The following BCOR variants were observed in gnomAD, a reference collection of about 807,000 sequenced individuals.
The protein encoded by BCOR is BCL6 corepressor, also known as BCL-6 corepressor.
In BCOR, 10 loss-of-function variants were observed where a neutral mutation model predicts 86.7. That is an observed-to-expected ratio of 0.12 (90% CI 0.07 to 0.20). The LOEUF is 0.20. Ranked by LOEUF, BCOR falls within the 10% of genes least tolerant of loss-of-function variation. The pLI is 1.00. For missense variants in BCOR, 1,259 were observed against 1,452.1 expected (o/e 0.87, Z 2.16); for synonymous variants, 611 against 609.0 (o/e 1.00, Z -0.05).
At chrX:40,126,533 AAAAAG>A (rs1199340209) in intron 1 of BCOR, among the ~76,000 whole-genome samples, 6 of 109,525 alleles carry the variant, frequency 5.5e-5, no homozygotes, top group Admixed American at 1.9e-4. Flanking sequence ...AAAAAAAAAA[AAAAAG>A]AAAAGAAAAG....
intron 1 of BCOR, among the ~76,000 whole-genome samples, chrX:40,134,888 G>C (rs1031057324): frequency 9.0e-6 from 1 of 111,703 alleles, no homozygotes; most frequent in Non-Finnish European, 1.9e-5. Flanking sequence ...TCTGGGCAAC[G>C]GTGATGAGAT....
Position 40,095,371 on chromosome X carries a change from T to C in BCOR, c.-41+1844A>G, listed in dbSNP as rs745497241. ...AACCGAACCCAACACTTCGTAAGGATTGATTTCGGCCCGCGGTGTCCGTTT... is the reference window on the plus strand; with the variant it reads ...AACCGAACCCAACACTTCGTAAGGACTGATTTCGGCCCGCGGTGTCCGTTT... On this transcript the variant is annotated intron_variant, in intron 1 of 14. Transcript: ENST00000378444. 5.4e-5 allele frequency among the ~76,000 whole-genome samples: 6 copies of C among 111,365 alleles called. No individual in the cohort carries two copies. In the East Asian group the frequency reaches 1.1e-3, roughly 21 times the overall value.
chrX:40,087,352 G>A (rs1464555535), intron 1 of BCOR, among the ~76,000 whole-genome samples: 1 of 113,010 alleles, frequency 8.8e-6, no homozygotes, highest in Admixed American at 9.3e-5. Flanking sequence ...ACGCCTAATC[G>A]GTCCTTAAAT....
In BCOR at chrX:40,063,066, G is replaced by A; in HGVS notation, c.3853C>T (p.Pro1285Ser). The A allele has an allele frequency of 2.0e-6, 2 of 977,034 alleles. 1 individual carries two copies. Among genetic ancestry groups the A allele is most frequent in the Admixed American group, 5.9e-5 (2 of 33,658 alleles). 80.5% of individuals were successfully genotyped at this position (977,034 alleles called of 1,213,427 possible). A position where few individuals can be genotyped will look rare whatever the true frequency, so the allele number is the denominator to read the frequency against. ...ATGGGCGGAGAGCCGGAGAACACAGGCAAGCCTAAATACGGAGGGGGTGAC... is the reference window on the plus strand; with the variant it reads ...ATGGGCGGAGAGCCGGAGAACACAGACAAGCCTAAATACGGAGGGGGTGAC... The part of the protein sequence containing the change: ...LKPSDNEQGL[P>S]VFSGSPPMKS... Residue 1285 changes from proline to serine, a missense_variant, in exon 9 of 15, where the codon CCT becomes TCT. Around this residue, in one of 7 missense-constraint regions of BCOR, gnomAD observed 305 missense variants for 286.1 expected, o/e 1.07. Coordinates refer to ENST00000378444, the MANE Select transcript of BCOR (RefSeq NM_001123385.2).
chrX:40,105,292 G>A (rs1470781000), intron 1 of BCOR, among the ~76,000 whole-genome samples: 1 of 111,176 alleles, frequency 9.0e-6, no homozygotes, highest in Non-Finnish European at 1.9e-5. Flanking sequence ...TCCGAGAGCC[G>A]CGCGGCGGCA....
At chrX:40,127,290 G>A (rs1019731861) in intron 1 of BCOR, among the ~76,000 whole-genome samples, 3 of 112,000 alleles carry the variant, frequency 2.7e-5, no homozygotes, top group Non-Finnish European at 5.6e-5. Context: ...TGAGGCCACA[G>A]GGAGAAGAGT....
At chrX:40,087,139 G>T (rs1003725203) in intron 1 of BCOR, among the ~76,000 whole-genome samples, 1 of 113,299 alleles carries the variant, frequency 8.8e-6, no homozygotes, top group Non-Finnish European at 1.9e-5. Flanking sequence ...GGCCGGGACA[G>T]GGAGGTCTGC....
chrX:40,098,545 C>CAA (rs2147766491), upstream of BCOR, among the ~76,000 whole-genome samples: 1 of 111,192 alleles, frequency 9.0e-6, no homozygotes, highest in South Asian at 3.9e-4. Flanking sequence ...TGGAGGACCG[C>CAA]AATTACCATA....
chrX:40,053,758 T>C (rs1569139581), intron 14 of BCOR, 128 bp downstream of exon 14: 1 of 736,082 alleles, frequency 1.4e-6, no homozygotes, highest in East Asian at 3.4e-5. Flanking sequence ...TACTGCATTG[T>C]GTGAGGTTCG....
upstream of BCOR, among the ~76,000 whole-genome samples, chrX:40,099,776 ATC>A (rs1379757402): frequency 1.8e-5 from 2 of 112,231 alleles, no homozygotes; most frequent in Non-Finnish European, 3.8e-5. Context: ...GAAGTGAAAC[ATC>A]TCTACCGTTT....
chrX:40,071,458 TAAAAC>T (rs1367945007), intron 5 of BCOR, among the ~76,000 whole-genome samples, 174 bp downstream of exon 5: 3 of 111,250 alleles, frequency 2.7e-5, no homozygotes, highest in African/African-American at 9.8e-5. Flanking sequence ...TGAAGGTAAA[TAAAAC>T]AAAACGAAAA....
intron 10 of BCOR, among the ~76,000 whole-genome samples, chrX:40,058,889 T>G (rs1379198915): frequency 9.0e-6 from 1 of 111,350 alleles, no homozygotes; most frequent in Non-Finnish European, 1.9e-5. Context: ...CAGACTCGAG[T>G]GGACGGCTGC....
At chrX:40,110,644 CTTTT>C (rs1569182561) in intron 1 of BCOR, among the ~76,000 whole-genome samples, 1 of 43,234 alleles carries the variant, frequency 2.3e-5, no homozygotes, top group Non-Finnish European at 5.2e-5. Flanking sequence ...CTTTTCTTTT[CTTTT>C]TTTTCTTTTT....
intron 1 of BCOR, among the ~76,000 whole-genome samples, chrX:40,135,649 GA>G (rs1367843430): frequency 1.8e-5 from 2 of 111,090 alleles, no homozygotes; most frequent in African/African-American, 6.6e-5. Context: ...CTCGGCCTCC[GA>G]AAGTACTGGG....
chrX:40,122,924 C>T (rs912062118), intron 1 of BCOR, among the ~76,000 whole-genome samples: 8 of 111,680 alleles, frequency 7.2e-5, no homozygotes, highest in African/African-American at 2.6e-4. Context: ...CACCACTGCC[C>T]CGGGCCTGCC....
At chrX:40,114,934 G>A (rs1324435400) in intron 1 of BCOR, among the ~76,000 whole-genome samples, 4 of 95,047 alleles carry the variant, frequency 4.2e-5, no homozygotes, top group African/African-American at 1.2e-4. Flanking sequence ...CTCACTGCAC[G>A]CTCCACCTCC....
Position 40,063,747 on chromosome X carries a change from T to G in BCOR, c.3708A>C (p.Glu1236Asp). The stretch of plus-strand genomic sequence containing the variant: ...CCTCAGGCTGAGTGGCCTGGGTCAC[T>G]TCCTTCCTGCTTTGCCGGCCAGGTT... The part of the protein sequence containing the change: ...DGKPGRQSRK[E>D]VTQATQPEAI... The change falls in exon 8 of 15, where the codon GAA becomes GAC. Residue 1236 changes from glutamate (E) to aspartate (D), a missense_variant. Glu to Asp is a conservative substitution (Grantham distance 45). Transcript: ENST00000378444. The G allele has an allele frequency of 8.3e-7, 1 of 1,212,072 alleles. No individual in the cohort carries two copies. The highest frequency in any genetic ancestry group is 1.1e-6 in the Non-Finnish European group (1 of 895,562).
At chrX:40,075,497 C>A (rs1028476952) in intron 3 of BCOR, among the ~76,000 whole-genome samples, 1 of 111,885 alleles carries the variant, frequency 8.9e-6, no homozygotes, top group Admixed American at 9.4e-5. Flanking sequence ...GTGGCTCACG[C>A]CTGTAATCCT....
intron 11 of BCOR, 148 bp from the exon 12 acceptor site, chrX:40,055,661 G>A: frequency 4.8e-6 from 3 of 629,834 alleles, no homozygotes; most frequent in East Asian, 3.5e-5. Context: ...TCCAGGAGGT[G>A]TGCACAGTCA....
Sources: gnomAD v4.1 joint callset for allele counts (sites outside exome capture counted in the v4.1 genomes callset) on GRCh38, gnomAD v4.1.1 for gene constraint, gnomAD v4.1.1 regional missense constraint, MANE v1.5 for transcripts, NCBI Gene and HGNC (gene_info 2026-07-23, HGNC 2026-07-21) for gene names.